Variants in USP48 observed in about 807,000 individuals in gnomAD.
The protein encoded by USP48 is ubiquitin carboxyl-terminal hydrolase 48.
A neutral mutation model predicts 150.7 loss-of-function variants in USP48; 43 were observed. That is an observed-to-expected ratio of 0.29 (90% CI 0.22 to 0.37). The LOEUF (loss-of-function observed/expected upper bound fraction) is 0.37, where lower values mean the gene tolerates loss of function less well. Ranked by LOEUF, USP48 falls within the 10% of genes least tolerant of loss-of-function variation. The pLI, the probability that USP48 is intolerant of heterozygous loss-of-function variation, is 1.00. For missense variants in USP48, 813 were observed against 1,249.6 expected (o/e 0.65, Z 5.27); for synonymous variants, 396 against 425.9 (o/e 0.93, Z 0.86).
chr1:21,744,536 G>A (rs551381796), intron 8 of USP48, among the ~76,000 whole-genome samples: 21 of 151,758 alleles, frequency 1.4e-4, no homozygotes, highest in Non-Finnish European at 2.5e-4. Flanking sequence ...AGCACTTTGG[G>A]AGGACAAGGC....
In USP48 at chr1:21,727,445, C is replaced by T. The variant is rs1253547054; in HGVS notation, c.1450+1125G>A. On this transcript the variant is annotated intron_variant, in intron 11 of 26. Transcript: ENST00000308271. ...AGCACAGTGCTAACTTGACACATAA[C>T]ATCTTTGAACTCTATAGTTCTAAAG... is the stretch of plus-strand genomic sequence containing the variant. Among the ~76,000 whole-genome samples, 4 of 152,310 alleles carry T rather than the reference C, an allele frequency of 2.6e-5. No homozygotes were observed. In the East Asian group the frequency reaches 5.8e-4, roughly 22 times the overall value.
At chr1:21,703,774 C>T (rs2097664324) in intron 20 of USP48, among the ~76,000 whole-genome samples, 156 bp from the exon 21 acceptor site, 1 of 152,202 alleles carries the variant, frequency 6.6e-6, no homozygotes, top group Non-Finnish European at 1.5e-5. Flanking sequence ...CTGTGTCACC[C>T]AGGCTGGGGT....
At chr1:21,744,862 A>T (rs1048830907) in intron 8 of USP48, among the ~76,000 whole-genome samples, 1 of 151,076 alleles carries the variant, frequency 6.6e-6, no homozygotes, top group Non-Finnish European at 1.5e-5. Context: ...GTCAGGGGCT[A>T]ATGTTCAAAA....
chr1:21,743,650 G>A (rs517285), intron 8 of USP48, among the ~76,000 whole-genome samples: 1 of 152,178 alleles, frequency 6.6e-6, no homozygotes, highest in African/African-American at 2.4e-5. Flanking sequence ...AGTCAGATAA[G>A]TGGTTACACT....
At chr1:21,758,941 G>GCAGGAGGAT (rs2097843475) in intron 1 of USP48, among the ~76,000 whole-genome samples, 1 of 152,130 alleles carries the variant, frequency 6.6e-6, no homozygotes, top group South Asian at 2.1e-4. Context: ...GGAGGCCAAG[G>GCAGGAGGAT]CAGGAGGATC....
At chr1:21,715,507 A>G in intron 14 of USP48, 50 bp from the exon 15 acceptor site, 1 of 1,256,248 alleles carries the variant, frequency 8.0e-7, no homozygotes, top group Non-Finnish European at 1.1e-6. Context: ...TGTGTACTTA[A>G]AGTTGAAAGT....
At chr1:21,700,808 TC>T (rs920523341) in intron 22 of USP48, among the ~76,000 whole-genome samples, 3 of 152,232 alleles carry the variant, frequency 2.0e-5, no homozygotes, top group African/African-American at 7.2e-5. Context: ...ATGCGGTGGC[TC>T]ACGCCTATAA....
At chr1:21,688,268 G>A (rs1473322064) in intron 24 of USP48, among the ~76,000 whole-genome samples, 1 of 151,956 alleles carries the variant, frequency 6.6e-6, no homozygotes, top group Non-Finnish European at 1.5e-5. Context: ...GCCCAGGCTG[G>A]AGTGCAGTGG....
At chr1:21,749,329 T>G (rs1287570149) in intron 6 of USP48, among the ~76,000 whole-genome samples, 2 of 152,152 alleles carry the variant, frequency 1.3e-5, no homozygotes, top group Non-Finnish European at 1.5e-5. Context: ...ATCCCTAACA[T>G]TTGAATGTCC....
chr1:21,725,855 G>A (rs151100694), intron 11 of USP48, among the ~76,000 whole-genome samples: 31 of 151,968 alleles, frequency 2.0e-4, no homozygotes, highest in Non-Finnish European at 3.7e-4. Flanking sequence ...AATGCCTCCC[G>A]ACTTTATTTG....
intron 22 of USP48, among the ~76,000 whole-genome samples, chr1:21,696,429 ACT>A (rs1474757223): frequency 6.6e-6 from 1 of 152,164 alleles, no homozygotes; most frequent in Non-Finnish European, 1.5e-5. Context: ...CAAGAGCGAA[ACT>A]CTGTCTCAAA....
At chr1:21,705,534 C>T (rs542623724) in intron 19 of USP48, among the ~76,000 whole-genome samples, 193 bp downstream of exon 19, 5 of 152,222 alleles carry the variant, frequency 3.3e-5, no homozygotes, top group East Asian at 1.9e-4. Flanking sequence ...CAAATAGCCT[C>T]GGGCAGCCTC....
At position 21,684,646 on chromosome 1, in the gene USP48, A is replaced by T. The variant is rs1183568889; in HGVS notation, c.3058+2545T>A. 4.0e-5 allele frequency among the ~76,000 whole-genome samples: 6 copies of T among 150,270 alleles called. No homozygotes were observed. The Admixed American group carries it at 4.1e-4, about 10-fold the overall frequency. On this transcript the variant is annotated intron_variant, in intron 25 of 26. Coordinates refer to ENST00000308271, the MANE Select transcript of USP48 (RefSeq NM_032236.8). ...ACCAATGTTTGACAGCATTTCCCCCATATTGAATTCTAGCAATTTCATAGT... is the reference window on the plus strand; with the variant it reads ...ACCAATGTTTGACAGCATTTCCCCCTTATTGAATTCTAGCAATTTCATAGT...
At chr1:21,758,455 T>C (rs1258925204) in intron 1 of USP48, among the ~76,000 whole-genome samples, 2 of 152,144 alleles carry the variant, frequency 1.3e-5, no homozygotes, top group Admixed American at 6.6e-5. Context: ...TGAGTGGGAA[T>C]AAGGTTAAAA....
At chr1:21,694,871 T>C (rs920344500) in intron 23 of USP48, among the ~76,000 whole-genome samples, 195 bp downstream of exon 23, 1 of 152,174 alleles carries the variant, frequency 6.6e-6, no homozygotes, top group African/African-American at 2.4e-5. Context: ...TGGAAAGCTA[T>C]TGCAGAACCA....
At chr1:21,729,873 T>C in intron 9 of USP48, 41 bp from the exon 10 acceptor site, 2 of 1,613,196 alleles carry the variant, frequency 1.2e-6, no homozygotes, top group Admixed American at 1.7e-5. Flanking sequence ...CTTAAGTGCC[T>C]AGAGTTTGTT....
At chr1:21,682,240 C>A (rs949739023) in intron 25 of USP48, among the ~76,000 whole-genome samples, 1 of 152,136 alleles carries the variant, frequency 6.6e-6, no homozygotes, top group African/African-American at 2.4e-5. Flanking sequence ...CAGGATCTTG[C>A]GGGCACTGCT....
rs373805703 is a variant in USP48, at chr1:21,697,452, AG to A, written c.2728-2232del. ...GCCAAGGTGGGCGGATCACAAGGTC[AG>A]GAGATTGAGACCATCCTGGCTAACA... On this transcript the variant is annotated intron_variant, in intron 22 of 26. Coordinates refer to ENST00000308271, the MANE Select transcript of USP48 (RefSeq NM_032236.8). Among the ~76,000 whole-genome samples, 6 of 152,286 alleles carry A rather than the reference AG, an allele frequency of 3.9e-5. No homozygotes were observed. The South Asian group carries it at 1.0e-3, about 26-fold the overall frequency.
intron 1 of USP48, among the ~76,000 whole-genome samples, chr1:21,767,155 T>A (rs1227635143): frequency 6.6e-6 from 1 of 152,120 alleles, no homozygotes; most frequent in Non-Finnish European, 1.5e-5. Flanking sequence ...GCTCAGGTGA[T>A]CTTCCCACCT....
Sources: allele counts gnomAD v4.1 joint callset (sites outside exome capture counted in the v4.1 genomes callset), GRCh38; gene constraint gnomAD v4.1.1; transcripts MANE v1.5; gene names NCBI Gene and HGNC (gene_info 2026-07-23, HGNC 2026-07-21).